COL12A1: variants seen among roughly 807,000 people sequenced by gnomAD.
COL12A1 encodes collagen type XII alpha 1 chain.
Under a neutral mutation model 349.7 loss-of-function variants are expected in COL12A1, and 114 were observed. The ratio of observed to expected loss-of-function variants is 0.33; its 90% CI spans 0.28 to 0.38. The LOEUF (loss-of-function observed/expected upper bound fraction) is 0.38, where lower values mean the gene tolerates loss of function less well. Ranked by LOEUF, COL12A1 falls within the 10% of genes least tolerant of loss-of-function variation. The pLI is 1.00. For synonymous variants in COL12A1, 1,369 were observed against 1,329.0 expected (o/e 1.03, Z -0.66); for missense variants, 3,284 against 3,756.9 (o/e 0.87, Z 3.29).
At chr6:75,198,523 A>G (rs542212529) in intron 2 of COL12A1, among the ~76,000 whole-genome samples, 58 of 151,886 alleles carry the variant, frequency 3.8e-4, no homozygotes, top group African/African-American at 1.3e-3. Flanking sequence ...ATATACATAA[A>G]TATGTGGTAT....
intron 2 of COL12A1, among the ~76,000 whole-genome samples, chr6:75,195,294 T>C (rs1770161576): frequency 6.6e-6 from 1 of 152,134 alleles, no homozygotes; most frequent in Non-Finnish European, 1.5e-5. Flanking sequence ...ACAATTCACA[T>C]AACAATTAAA....
At chr6:75,140,549 C>T (rs933659670) in intron 27 of COL12A1, among the ~76,000 whole-genome samples, 2 of 148,802 alleles carry the variant, frequency 1.3e-5, no homozygotes, top group South Asian at 2.2e-4. Flanking sequence ...CCAGCTACTC[C>T]GGAGGCTGAG....
In COL12A1 at chr6:75,091,380, C is replaced by G. The variant is rs780457606; in HGVS notation, c.8695G>C (p.Ala2899Pro). 6.2e-7 allele frequency: 1 copy of G among 1,613,710 alleles called. No individual in the cohort carries two copies. Among genetic ancestry groups the G allele is most frequent in the African/African-American group, 1.3e-5 (1 of 74,928 alleles). Residue 2899 changes from alanine to proline, a missense_variant, in exon 62 of 66, where the codon GCT (alanine) becomes CCT (proline). Around this residue, in one of 2 missense-constraint regions of COL12A1, gnomAD observed 683 missense variants for 932.1 expected, o/e 0.73. Coordinates refer to ENST00000322507, the MANE Select transcript of COL12A1 (RefSeq NM_004370.6). ...ACTGCTCGCATCATGTTCTGGGAAG[C>G]AATGTCTCCCTTGTTGAATTAATGA... ...KGEKGDRGDI[A>P]SQNMMRAVAR...
At chr6:75,123,869 G>A (rs533980896) in intron 42 of COL12A1, 79 bp downstream of exon 42, 1 of 1,432,680 alleles carries the variant, frequency 7.0e-7, no homozygotes, top group Admixed American at 2.1e-5. Context: ...ACCTGCACAG[G>A]ATTCACTTAA....
chr6:75,111,446 T>G (rs1768836605), intron 51 of COL12A1, among the ~76,000 whole-genome samples: 1 of 151,898 alleles, frequency 6.6e-6, no homozygotes, highest in Admixed American at 6.6e-5. Flanking sequence ...TAAAAAATAC[T>G]GCCTTTTAAA....
intron 35 of COL12A1, 59 bp from the exon 36 acceptor site, chr6:75,131,040 T>C (rs778072734): frequency 7.5e-6 from 12 of 1,603,966 alleles, no homozygotes; most frequent in Non-Finnish European, 1.0e-5. Context: ...TACCAAGTCT[T>C]CAGTTAGTCA....
chr6:75,143,838 TTA>T (rs1244151141), intron 25 of COL12A1, among the ~76,000 whole-genome samples: 1 of 152,140 alleles, frequency 6.6e-6, no homozygotes, highest in East Asian at 1.9e-4. Context: ...GAGCCCAACA[TTA>T]AGCATCCAAT....
intron 59 of COL12A1, 55 bp from the exon 60 acceptor site, chr6:75,095,234 A>G: frequency 7.6e-7 from 1 of 1,320,690 alleles, no homozygotes; most frequent in South Asian, 1.2e-5. Flanking sequence ...AATCCCATCT[A>G]AAGTAAATGA....
chr6:75,117,505 T>A lies in COL12A1; in HGVS notation c.7396A>T (p.Asn2466Tyr), dbSNP rs765271180. Residue 2466 changes from asparagine to tyrosine, a missense_variant, in exon 47 of 66, where the codon AAT (asparagine) becomes TAT (tyrosine). By Grantham distance (143) the Asn-to-Tyr change is moderately radical (BLOSUM62 -2). Transcript: ENST00000322507. ...FVVGVADVDY[N>Y]ELANIASKPS... ...TTGCTGGCAATGTTGGCAAGCTCAT[T>A]GTAGTCGACATCAGCCACACCAACT... The A allele has an allele frequency of 6.2e-7, 1 of 1,613,664 alleles. No homozygotes were observed. Among genetic ancestry groups the A allele is most frequent in the Non-Finnish European group, 8.5e-7 (1 of 1,179,642 alleles).
intron 7 of COL12A1, 48 bp downstream of exon 7, chr6:75,189,169 A>G (rs1219137076): frequency 8.9e-6 from 14 of 1,573,334 alleles, no homozygotes; most frequent in African/African-American, 1.4e-5. Flanking sequence ...AACATTAAGT[A>G]TACTGTAGGA....
chr6:75,121,989 A>G (rs1765755002), intron 43 of COL12A1, among the ~76,000 whole-genome samples: 1 of 151,436 alleles, frequency 6.6e-6, no homozygotes, highest in Non-Finnish European at 1.5e-5. Context: ...CCTCCTGAGT[A>G]GCTGGGACTA....
intron 13 of COL12A1, among the ~76,000 whole-genome samples, chr6:75,174,249 A>G (rs919325095): frequency 6.6e-6 from 1 of 152,200 alleles, no homozygotes; most frequent in East Asian, 1.9e-4. Flanking sequence ...GAAATCACTT[A>G]GAAAACAAAT....
intron 58 of COL12A1, among the ~76,000 whole-genome samples, chr6:75,100,359 A>G (rs1768252160): frequency 6.6e-6 from 1 of 152,206 alleles, no homozygotes; most frequent in African/African-American, 2.4e-5. Flanking sequence ...CGGTCGTAGC[A>G]GCAGCAAGCA....
chr6:75,183,330 T>C lies in COL12A1; in HGVS notation c.1611A>G (p.Ser537=). ...TCATGACCTTTGGCACATTGCTTCTTGATCCCTTGCTAGGCACAAATATTT... is the reference window on the plus strand; with the variant it reads ...TCATGACCTTTGGCACATTGCTTCTCGATCCCTTGCTAGGCACAAATATTT... The part of the protein sequence containing the change: ...REKIFVPSKG[S]RSNVPKVMIL... The change falls in exon 10 of 66, where the codon TCA becomes TCG. Residue 537 remains serine (S), a synonymous_variant. Transcript: ENST00000322507. 2 of 1,614,252 alleles carry C rather than the reference T, an allele frequency of 1.2e-6. No homozygotes were observed. The highest frequency in any genetic ancestry group is 1.7e-6 in the Non-Finnish European group (2 of 1,180,042).
chr6:75,101,506 A>G, intron 58 of COL12A1, 94 bp downstream of exon 58: 1 of 1,226,872 alleles, frequency 8.2e-7, no homozygotes, highest in Non-Finnish European at 1.2e-6. Flanking sequence ...ATATATTACC[A>G]GCCTTGCAAA....
intron 44 of COL12A1, 116 bp from the exon 45 acceptor site, chr6:75,119,589 C>T: frequency 8.5e-7 from 1 of 1,182,846 alleles, no homozygotes; most frequent in Middle Eastern, 2.1e-4. Flanking sequence ...TATCTCAGAC[C>T]TGATAGAATA....
At chr6:75,114,684 G>A (rs1768990713) in intron 49 of COL12A1, among the ~76,000 whole-genome samples, 1 of 152,000 alleles carries the variant, frequency 6.6e-6, no homozygotes, top group South Asian at 2.1e-4. Flanking sequence ...TAAAACATAT[G>A]CTCTGGGTAA....
Position 75,125,241 on chromosome 6 carries a change from C to G in COL12A1, c.6493G>C (p.Glu2165Gln), listed in dbSNP as rs1765955648. The G allele has an allele frequency of 6.2e-7, 1 of 1,609,278 alleles. No individual in the cohort carries two copies. The highest frequency in any genetic ancestry group is 1.7e-5 in the Admixed American group (1 of 59,532). ...TTGTGTAAGGTATATGATGTCATTT[C>G]TCCAACAAAGGCTTCCATGGGCTCA... is the stretch of plus-strand genomic sequence containing the variant. ...SNEPMEAFVG[E>Q]MTSYTLHNLN... is the part of the protein sequence containing the mutation. The change falls in exon 40 of 66, where the codon GAA (glutamate) becomes CAA (glutamine). Residue 2165 changes from glutamate (E) to glutamine (Q), a missense_variant. Physicochemically the swap from Glu to Gln is conservative, Grantham distance 29. Transcript: ENST00000322507.
At chr6:75,098,629 A>C (rs1170327881) in intron 58 of COL12A1, among the ~76,000 whole-genome samples, 1 of 152,202 alleles carries the variant, frequency 6.6e-6, no homozygotes, top group Non-Finnish European at 1.5e-5. Context: ...ACTGCACTCC[A>C]GCCTGGGTGA....
Sources: gnomAD v4.1 joint callset for allele counts (sites outside exome capture counted in the v4.1 genomes callset) on GRCh38, gnomAD v4.1.1 for gene constraint, gnomAD v4.1.1 regional missense constraint, MANE v1.5 for transcripts, NCBI Gene and HGNC (gene_info 2026-07-23, HGNC 2026-07-21) for gene names.